LAT2: variants seen among roughly 807,000 people sequenced by gnomAD.
LAT2 encodes the protein linker for activation of T-cells family member 2.
LAT2 carries 23 observed loss-of-function variants against 43.4 expected under a neutral mutation model. The observed-to-expected ratio is 0.53, with a 90% confidence interval of 0.38 to 0.75. The LOEUF is 0.75. Ranked by LOEUF, LAT2 falls within the 30% of genes least tolerant of loss-of-function variation. The probability of loss-of-function intolerance (pLI) is 0.00; values close to 1 mark genes in which losing one functional copy is unlikely to be tolerated. For missense variants in LAT2, 284 were observed against 310.2 expected, an observed-to-expected ratio of 0.92 and a Z score of 0.64; for synonymous variants, 128 against 123.2, an observed-to-expected ratio of 1.04 and a Z score of -0.26.
At chr7:74,225,465 CA>C (rs1802452904) in intron 13 of LAT2, 2 of 152,334 alleles carry the variant, frequency 1.3e-5, no homozygotes, top group Admixed American at 1.3e-4. Context: ...TGGAAACAGA[CA>C]GGAGGCAGGG....
intron 4 of LAT2, 31 bp from the exon 5 acceptor site, chr7:74,219,712 GC>G: frequency 1.9e-6 from 3 of 1,613,882 alleles, no homozygotes; most frequent in Non-Finnish European, 2.5e-6. Flanking sequence ...GGGAGTCCAG[GC>G]CCAGGCTCAG....
chr7:74,222,142 T>C (rs113150633), intron 10 of LAT2, among the ~76,000 whole-genome samples: 4,817 of 150,632 alleles, frequency 0.032, 272 homozygotes, highest in African/African-American at 0.11. Flanking sequence ...TCCCAGCACT[T>C]TGGGAGGCTA....
chr7:74,225,114 C>G (rs900231726), intron 13 of LAT2: 3 of 175,112 alleles, frequency 1.7e-5, no homozygotes, highest in South Asian at 2.3e-4. Context: ...CACACACGGC[C>G]GGGCACGGTG....
At chr7:74,228,103 AAGG>A (rs1802556829) in intron 13 of LAT2, among the ~76,000 whole-genome samples, 1 of 133,224 alleles carries the variant, frequency 7.5e-6, no homozygotes, top group African/African-American at 2.8e-5. Context: ...TTGAACCTGG[AAGG>A]AGGAGGTTGC....
chr7:74,219,773 C>T lies in LAT2; in HGVS notation c.164C>T (p.Ser55Phe). The stretch of plus-strand genomic sequence containing the variant: ...GAGGACCAACAGAGCTTTACGGGGT[C>T]CCGGACCTACTCCTGTGAGTCTCCA... Reference protein sequence around the residue: ...LREDQQSFTGSRTYSLVGQAW... With the variant: ...LREDQQSFTGFRTYSLVGQAW... The change falls in exon 5 of 14, where the codon TCC becomes TTC. Residue 55 changes from serine (S) to phenylalanine (F), a missense_variant. Ser to Phe is a radical substitution (Grantham distance 155, BLOSUM62 -2). Transcript: ENST00000460943. 1 of 1,614,162 alleles carries T rather than the reference C, an allele frequency of 6.2e-7. No homozygotes were observed. Among genetic ancestry groups the T allele is most frequent in the African/African-American group, 1.3e-5 (1 of 75,058 alleles).
chr7:74,218,600 T>G (rs1802130829), intron 4 of LAT2, among the ~76,000 whole-genome samples: 1 of 152,206 alleles, frequency 6.6e-6, no homozygotes, highest in Admixed American at 6.5e-5. Context: ...AAAGATTTAT[T>G]GGAAATATCA....
intron 1 of LAT2, among the ~76,000 whole-genome samples, chr7:74,212,704 G>A (rs1484981564): frequency 6.6e-6 from 1 of 152,224 alleles, no homozygotes; most frequent in Non-Finnish European, 1.5e-5. Context: ...GGGCCATGCT[G>A]GAGGGGTTGG....
Position 74,214,917 on chromosome 7 carries a change from C to G in LAT2, c.-123C>G, listed in dbSNP as rs373976092. 2 of 149,704 alleles carry G rather than the reference C, an allele frequency of 1.3e-5. No individual in the cohort carries two copies. Among genetic ancestry groups the G allele is most frequent in the Non-Finnish European group, 3.0e-5 (2 of 67,706 alleles). 9.3% of individuals were successfully genotyped at this position (149,704 alleles called of 1,614,324 possible). Reference sequence around the variant, plus strand: ...CCTCCCAACGTGCTGGGATTATAGGCGTGAGCCACCGCTCCTGGCCAGGGT... The same window carrying G: ...CCTCCCAACGTGCTGGGATTATAGGGGTGAGCCACCGCTCCTGGCCAGGGT... On this transcript the variant is annotated 5_prime_UTR_variant, in exon 2 of 14. Transcript: ENST00000460943.
At chr7:74,219,893 G>C in intron 5 of LAT2, 67 bp from the exon 6 acceptor site, 1 of 1,611,678 alleles carries the variant, frequency 6.2e-7, no homozygotes, top group Non-Finnish European at 8.5e-7. Flanking sequence ...GATGTGGGGG[G>C]ATGATGGGGT....
intron 1 of LAT2, among the ~76,000 whole-genome samples, chr7:74,210,292 C>G (rs1441275664): frequency 2.6e-5 from 4 of 152,190 alleles, no homozygotes; most frequent in African/African-American, 9.6e-5. Context: ...CCTCGCCTTC[C>G]CCTGTCCAGC....
intron 4 of LAT2, among the ~76,000 whole-genome samples, chr7:74,219,057 T>G: frequency 8.5e-6 from 1 of 117,258 alleles, no homozygotes; most frequent in Admixed American, 1.1e-4. Flanking sequence ...TGAGACGGAG[T>G]CTCGCTCTGT....
chr7:74,223,100 A>G lies in LAT2; in HGVS notation c.389-624A>G, dbSNP rs183458706. On this transcript the variant is annotated intron_variant, in intron 10 of 13. Coordinates refer to ENST00000460943, the MANE Select transcript of LAT2 (RefSeq NM_032464.3). ...CTAGGGAGAGCTCCTGATTATAGAGATGAACCCCTGAGGCTGCCCCTGCCT... is the reference window on the plus strand; with the variant it reads ...CTAGGGAGAGCTCCTGATTATAGAGGTGAACCCCTGAGGCTGCCCCTGCCT... 4.5e-4 allele frequency among the ~76,000 whole-genome samples: 69 copies of G among 152,222 alleles called. No homozygotes were observed. The East Asian group carries it at 0.013, about 29-fold the overall frequency.
chr7:74,211,859 T>C (rs782612502), intron 1 of LAT2, among the ~76,000 whole-genome samples: 1 of 152,158 alleles, frequency 6.6e-6, no homozygotes, highest in Non-Finnish European at 1.5e-5. Context: ...CCCAAAGTGT[T>C]GGGATTACAG....
intron 13 of LAT2, 107 bp downstream of exon 13, chr7:74,224,867 T>C: frequency 3.7e-6 from 3 of 812,672 alleles, no homozygotes; most frequent in Non-Finnish European, 5.7e-6. Context: ...GGAGGGGCCA[T>C]GGTGGGGGCT....
intron 4 of LAT2, among the ~76,000 whole-genome samples, chr7:74,219,226 C>CG (rs1393358896): frequency 2.6e-5 from 4 of 151,858 alleles, no homozygotes; most frequent in African/African-American, 9.7e-5. Flanking sequence ...TTAGTAGAGA[C>CG]GGGGTGAGTG....
intron 4 of LAT2, among the ~76,000 whole-genome samples, chr7:74,217,788 G>A (rs1802096209): frequency 6.6e-6 from 1 of 152,186 alleles, no homozygotes; most frequent in Admixed American, 6.5e-5. Flanking sequence ...GTGGGCCCAG[G>A]AAACCTTGGA....
chr7:74,211,243 G>A (rs76183995), intron 1 of LAT2, among the ~76,000 whole-genome samples: 16,904 of 151,984 alleles, frequency 0.11, 1,177 homozygotes, highest in African/African-American at 0.2. Flanking sequence ...AAGTGAGAGC[G>A]AGACAGAGAC....
At chr7:74,212,379 TC>T in intron 1 of LAT2, among the ~76,000 whole-genome samples, 1 of 152,044 alleles carries the variant, frequency 6.6e-6, no homozygotes, top group Middle Eastern at 3.4e-3. Context: ...CCTCCTGAGT[TC>T]AAGTGATTCT....
At chr7:74,223,569 C>T (rs1213796157) in intron 10 of LAT2, among the ~76,000 whole-genome samples, 155 bp from the exon 11 acceptor site, 1 of 152,124 alleles carries the variant, frequency 6.6e-6, no homozygotes, top group Non-Finnish European at 1.5e-5. Context: ...TTAGGAAGCT[C>T]ATCCAGAAGA....
Sources: allele counts gnomAD v4.1 joint callset (sites outside exome capture counted in the v4.1 genomes callset), GRCh38; gene constraint gnomAD v4.1.1; transcripts MANE v1.5; gene names NCBI Gene and HGNC (gene_info 2026-07-23, HGNC 2026-07-21).